DCTN4: variants seen among roughly 807,000 people sequenced by gnomAD.
DCTN4 encodes the protein dynactin 4 (p62).
In DCTN4, 23 loss-of-function variants were observed where a neutral mutation model predicts 62.7. The ratio of observed to expected loss-of-function variants is 0.37; its 90% CI spans 0.26 to 0.52. The LOEUF (loss-of-function observed/expected upper bound fraction) is 0.52, where lower values mean the gene tolerates loss of function less well. Ranked by LOEUF, DCTN4 falls within the 20% of genes least tolerant of loss-of-function variation. The pLI, the probability that DCTN4 is intolerant of heterozygous loss-of-function variation, is 0.92. For synonymous variants in DCTN4, 199 were observed against 202.1 expected, an observed-to-expected ratio of 0.98 and a Z score of 0.13; for missense variants, 514 against 580.4, an observed-to-expected ratio of 0.89 and a Z score of 1.18.
At chr5:150,756,587 T>C in intron 1 of DCTN4, 100 bp from the exon 2 acceptor site, 1 of 594,940 alleles carries the variant, frequency 1.7e-6, no homozygotes, top group Non-Finnish European at 2.8e-6. Flanking sequence ...TGTTATACTG[T>C]AGCAGAAAGT....
In DCTN4 at chr5:150,718,244, G is replaced by A. The variant is rs193155671; in HGVS notation, c.1071+32C>T. The A allele has an allele frequency of 8.0e-5, 118 of 1,466,148 alleles. 1 individual carries two copies. Among genetic ancestry groups the A allele is most frequent in the East Asian group, 6.8e-4 (30 of 43,830 alleles). The allele number at this position is 1,466,148 out of a possible 1,614,324, so 90.8% of individuals were successfully genotyped here. ...AATGAGGACACTCCAGGGAAAGTGC[G>A]GGTCAGTCAGGCTGAGGCAAAATGC... is the stretch of plus-strand genomic sequence containing the variant. On this transcript the variant is annotated intron_variant, in intron 11 of 12. Transcript: ENST00000447998.
chr5:150,713,786 A>T (rs1309288030), intron 12 of DCTN4, among the ~76,000 whole-genome samples: 1 of 151,780 alleles, frequency 6.6e-6, no homozygotes, highest in African/African-American at 2.4e-5. Flanking sequence ...CTTCTCTCTA[A>T]TATCTTGTTG....
chr5:150,747,720 G>GA (rs1317805209), intron 3 of DCTN4, among the ~76,000 whole-genome samples: 1 of 150,224 alleles, frequency 6.7e-6, no homozygotes, highest in African/African-American at 2.5e-5. Context: ...ATGGTGCTGG[G>GA]AAAACTGGCT....
intron 1 of DCTN4, chr5:150,758,605 A>G (rs2113169609): frequency 8.1e-7 from 1 of 1,233,074 alleles, no homozygotes. Context: ...TCGCAGACAG[A>G]CACGGTCCCT....
chr5:150,712,060 T>G (rs1456435939), intron 12 of DCTN4, among the ~76,000 whole-genome samples: 1 of 152,202 alleles, frequency 6.6e-6, no homozygotes, highest in East Asian at 1.9e-4. Flanking sequence ...GCTGCAAACA[T>G]CCCTTTACAT....
chr5:150,753,301 A>G (rs1359839750), intron 3 of DCTN4, among the ~76,000 whole-genome samples, 178 bp downstream of exon 3: 1 of 152,244 alleles, frequency 6.6e-6, no homozygotes. Context: ...ATATTATCCC[A>G]TCTCAGATAA....
intron 5 of DCTN4, 87 bp downstream of exon 5, chr5:150,733,281 G>C: frequency 1.2e-6 from 1 of 869,432 alleles, no homozygotes; most frequent in South Asian, 1.7e-5. Context: ...CACCATTCAG[G>C]AATCTAGGAC....
intron 3 of DCTN4, among the ~76,000 whole-genome samples, chr5:150,750,116 G>C (rs1371385249): frequency 1.3e-5 from 2 of 152,090 alleles, no homozygotes; most frequent in South Asian, 2.1e-4. Context: ...GATTCTCTAG[G>C]GGGACAGAAA....
At chr5:150,750,820 G>T (rs1043746671) in intron 3 of DCTN4, among the ~76,000 whole-genome samples, 2 of 152,170 alleles carry the variant, frequency 1.3e-5, no homozygotes, top group African/African-American at 4.8e-5. Context: ...GATAAAGTAG[G>T]GGGAGGGCTT....
chr5:150,749,512 C>A (rs1752592374), intron 3 of DCTN4, among the ~76,000 whole-genome samples: 1 of 152,116 alleles, frequency 6.6e-6, no homozygotes, highest in Admixed American at 6.6e-5. Flanking sequence ...TGTTCAGTCA[C>A]TTTGGAAAAC....
At chr5:150,737,315 T>C (rs889855412) in intron 4 of DCTN4, among the ~76,000 whole-genome samples, 1 of 152,178 alleles carries the variant, frequency 6.6e-6, no homozygotes, top group African/African-American at 2.4e-5. Context: ...AGAAGATACA[T>C]TCTATTCATT....
intron 6 of DCTN4, 113 bp from the exon 7 acceptor site, chr5:150,731,269 A>G (rs958041315): frequency 2.1e-6 from 2 of 972,152 alleles, no homozygotes; most frequent in Admixed American, 4.1e-5. Flanking sequence ...CTGTCATAGA[A>G]TATCTGTATA....
Position 150,756,401 on chromosome 5 carries a change from TCAGTC to T in DCTN4, c.206+11_206+15del. 6.5e-7 allele frequency: 1 copy of T among 1,537,636 alleles called. No homozygotes were observed. Among genetic ancestry groups the T allele is most frequent in the South Asian group, 1.3e-5 (1 of 79,230 alleles). ...AAGGAAAATAGGAAGAAAAAAAAAA[TCAGTC>T]CAGGTCTTACCTATTCTTTTTTAGT... On this transcript the variant is annotated intron_variant, in intron 2 of 12. Transcript: ENST00000447998.
chr5:150,715,668 G>A lies in DCTN4; in HGVS notation c.1072-6C>T, dbSNP rs1759729854. ...TCTTTGGGAGGCACCACCACCTGGA[G>A]AGCAACACAGAGAGGCCTGCCTGAG... On this transcript the variant is annotated splice_polypyrimidine_tract_variant and splice_region_variant and intron_variant, in intron 11 of 12. Transcript: ENST00000447998. The A allele has an allele frequency of 6.2e-7, 1 of 1,613,106 alleles. No individual in the cohort carries two copies. Among genetic ancestry groups the A allele is most frequent in the African/African-American group, 1.3e-5 (1 of 74,912 alleles).
intron 2 of DCTN4, among the ~76,000 whole-genome samples, chr5:150,756,195 C>G (rs928884094): frequency 1.3e-5 from 2 of 151,980 alleles, no homozygotes; most frequent in South Asian, 2.1e-4. Flanking sequence ...GCGCGTGCCA[C>G]CACACCTAGC....
intron 1 of DCTN4, among the ~76,000 whole-genome samples, chr5:150,757,342 C>G (rs1752899021): frequency 6.6e-6 from 1 of 152,056 alleles, no homozygotes; most frequent in Non-Finnish European, 1.5e-5. Context: ...CCTTTTTGCC[C>G]CCTTTCCAAA....
chr5:150,731,760 T>C (rs952640799), intron 5 of DCTN4: 2 of 885,422 alleles, frequency 2.3e-6, no homozygotes, highest in Non-Finnish European at 3.6e-6. Context: ...TCTAAAAGTA[T>C]CTAAGCTACG....
In DCTN4 at chr5:150,733,467, T is replaced by C; in HGVS notation, c.438A>G (p.Lys146=). 1.9e-6 allele frequency: 3 copies of C among 1,612,824 alleles called. No homozygotes were observed. Among genetic ancestry groups the C allele is most frequent in the Non-Finnish European group, 2.5e-6 (3 of 1,179,522 alleles). ...CAAGCTGCTGGTAATATTCAATCAATTTGTTCATCTGTAAGAAAATCACAG... is the reference window on the plus strand; with the variant it reads ...CAAGCTGCTGGTAATATTCAATCAACTTGTTCATCTGTAAGAAAATCACAG... ...PENPHTQRMN[K]LIEYYQQLAQ... is the part of the protein sequence containing the mutation. Residue 146 remains lysine (K), a synonymous_variant, in exon 5 of 13, where the codon AAA becomes AAG. Coordinates refer to ENST00000447998, the MANE Select transcript of DCTN4 (RefSeq NM_016221.4).
At chr5:150,723,688 A>G (rs975605216) in intron 8 of DCTN4, among the ~76,000 whole-genome samples, 1 of 152,194 alleles carries the variant, frequency 6.6e-6, no homozygotes, top group Non-Finnish European at 1.5e-5. Context: ...CTGGTTAAAA[A>G]TTTTTTTAAC....
Sources: gnomAD v4.1 joint callset for allele counts (sites outside exome capture counted in the v4.1 genomes callset) on GRCh38, gnomAD v4.1.1 for gene constraint, MANE v1.5 for transcripts, NCBI Gene and HGNC (gene_info 2026-07-23, HGNC 2026-07-21) for gene names.